Variants in MYO3B observed in about 807,000 individuals in gnomAD.
The protein encoded by MYO3B is myosin IIIB, also known as myosin-IIIb.
In MYO3B, 156 loss-of-function variants were observed where a neutral mutation model predicts 174.6. The ratio of observed to expected loss-of-function variants is 0.89; its 90% CI spans 0.78 to 1.02. The LOEUF is 1.02. Ranked by LOEUF, MYO3B falls within the 50% of genes least tolerant of loss-of-function variation. MYO3B has a pLI of 0.00. For missense variants in MYO3B, 1,632 were observed against 1,639.4 expected, an observed-to-expected ratio of 1.00 and a Z score of 0.08; for synonymous variants, 563 against 569.1, an observed-to-expected ratio of 0.99 and a Z score of 0.15.
intron 32 of MYO3B, among the ~76,000 whole-genome samples, chr2:170,569,618 C>T (rs897460738): frequency 2.7e-5 from 4 of 150,942 alleles, no homozygotes; most frequent in Non-Finnish European, 5.9e-5. Flanking sequence ...TCCCAACACT[C>T]TGGATGGCCA....
At chr2:170,226,067 C>T (rs950464350) in intron 6 of MYO3B, among the ~76,000 whole-genome samples, 2 of 152,152 alleles carry the variant, frequency 1.3e-5, no homozygotes, top group Admixed American at 6.5e-5. Flanking sequence ...TCTGATGTTC[C>T]ACAAGCAATG....
chr2:170,244,183 T>A (rs2093166086), intron 7 of MYO3B, among the ~76,000 whole-genome samples: 1 of 152,212 alleles, frequency 6.6e-6, no homozygotes, highest in African/African-American at 2.4e-5. Context: ...GGCTGCCTCC[T>A]TCTATAGGGT....
chr2:170,432,162 G>C (rs1338998552), intron 22 of MYO3B, among the ~76,000 whole-genome samples: 1 of 151,920 alleles, frequency 6.6e-6, no homozygotes, highest in Non-Finnish European at 1.5e-5. Context: ...TTTTTTTTAA[G>C]TTAACTATAA....
chr2:170,239,188 A>G (rs1182425781), intron 7 of MYO3B, among the ~76,000 whole-genome samples: 1 of 152,168 alleles, frequency 6.6e-6, no homozygotes, highest in Non-Finnish European at 1.5e-5. Context: ...GTCTCTCATG[A>G]CTCTTTACTG....
intron 25 of MYO3B, among the ~76,000 whole-genome samples, chr2:170,488,275 T>TTTTATTTATTTA (rs10684032): frequency 0.022 from 3,262 of 151,546 alleles, 107 homozygotes; most frequent in African/African-American, 0.072. Flanking sequence ...GTAGCAGTGG[T>TTTTATTTATTTA]TTTATTTATT....
At chr2:170,280,251 CAT>C (rs2093498106) in intron 7 of MYO3B, among the ~76,000 whole-genome samples, 1 of 151,944 alleles carries the variant, frequency 6.6e-6, no homozygotes, top group East Asian at 1.9e-4. Context: ...ATTGGCTGCA[CAT>C]ATGTCTTATT....
chr2:170,227,932 C>T (rs1207500976), intron 6 of MYO3B, among the ~76,000 whole-genome samples: 2 of 152,080 alleles, frequency 1.3e-5, no homozygotes, highest in South Asian at 2.1e-4. Context: ...TGTAATAATA[C>T]GTGACCTGAC....
chr2:170,603,206 A>C (rs1694623537), intron 32 of MYO3B, among the ~76,000 whole-genome samples: 1 of 152,202 alleles, frequency 6.6e-6, no homozygotes, highest in Admixed American at 6.5e-5. Context: ...GCACCCTCAG[A>C]ATACGTTACT....
chr2:170,563,768 G>A (rs953269260), intron 32 of MYO3B, among the ~76,000 whole-genome samples: 2 of 152,176 alleles, frequency 1.3e-5, no homozygotes, highest in Admixed American at 6.5e-5. Context: ...TTTCTTCATA[G>A]TCCCAAGAAC....
At chr2:170,242,638 G>C (rs189626514) in intron 7 of MYO3B, among the ~76,000 whole-genome samples, 104 of 152,328 alleles carry the variant, frequency 6.8e-4, no homozygotes, top group South Asian at 3.3e-3. Context: ...CAAAGCAGGA[G>C]CATGCCTTCA....
In MYO3B at chr2:170,387,225, G is replaced by A. The variant is rs2094382895; in HGVS notation, c.1494G>A (p.Met498Ile). 1.2e-6 allele frequency: 2 copies of A among 1,614,142 alleles called. No homozygotes were observed. The highest frequency in any genetic ancestry group is 1.7e-6 in the Non-Finnish European group (2 of 1,179,994). The change falls in exon 14 of 35, where the codon ATG (methionine) becomes ATA (isoleucine). Residue 498 changes from methionine (M) to isoleucine (I), a missense_variant. By Grantham distance (10) the Met-to-Ile change is conservative (BLOSUM62 1). Transcript: ENST00000408978. ...NSSRFGKYLE[M>I]MFTPTGVVMG... ...GCCGTTTTGGAAAATATCTGGAAAT[G>A]ATGTTTACACCAACTGGAGTTGTGA...
chr2:170,328,628 T>C (rs2093887027), intron 7 of MYO3B, among the ~76,000 whole-genome samples: 1 of 152,192 alleles, frequency 6.6e-6, no homozygotes, highest in Admixed American at 6.5e-5. Flanking sequence ...ATGTGGCATA[T>C]GTAAGCCATT....
Position 170,561,291 on chromosome 2 carries a change from C to T in MYO3B, c.3733+17303C>T, listed in dbSNP as rs117258450. Among the ~76,000 whole-genome samples the T allele has an allele frequency of 3.1e-3, 469 of 152,322 alleles. 16 individuals carry two copies. The East Asian group carries it at 0.051, about 16-fold the overall frequency. On this transcript the variant is annotated intron_variant, in intron 32 of 34. Coordinates refer to ENST00000408978, the MANE Select transcript of MYO3B (RefSeq NM_138995.5). ...TAACCCATATGACCAGAAGGGACAA[C>T]CTGTGAATAACCACTGAATGATTAG...
chr2:170,213,533 G>C (rs1201232694), intron 3 of MYO3B, among the ~76,000 whole-genome samples: 2 of 152,184 alleles, frequency 1.3e-5, no homozygotes, highest in Non-Finnish European at 2.9e-5. Context: ...GCAGGCCCAG[G>C]CCTGGTTTCG....
At chr2:170,196,474 C>T (rs1430173377) in intron 1 of MYO3B, among the ~76,000 whole-genome samples, 1 of 152,164 alleles carries the variant, frequency 6.6e-6, no homozygotes, top group Non-Finnish European at 1.5e-5. Context: ...GGTGATCACA[C>T]CACTGCACTA....
intron 7 of MYO3B, among the ~76,000 whole-genome samples, chr2:170,282,890 A>G (rs1196090025): frequency 6.6e-6 from 1 of 152,136 alleles, no homozygotes; most frequent in Non-Finnish European, 1.5e-5. Flanking sequence ...TGAGGAGTAC[A>G]TACTTTGGCT....
intron 7 of MYO3B, among the ~76,000 whole-genome samples, chr2:170,322,996 C>A (rs2105500771): frequency 6.6e-6 from 1 of 152,074 alleles, no homozygotes; most frequent in African/African-American, 2.4e-5. Context: ...TTTATGGAAA[C>A]AATAAAAGAA....
At chr2:170,476,518 G>A (rs1023482603) in intron 25 of MYO3B, among the ~76,000 whole-genome samples, 2 of 152,106 alleles carry the variant, frequency 1.3e-5, no homozygotes, top group African/African-American at 4.8e-5. Context: ...GGAATGGGAA[G>A]ATGATCTTCC....
intron 32 of MYO3B, among the ~76,000 whole-genome samples, chr2:170,618,213 T>C (rs1242574315): frequency 6.6e-6 from 1 of 152,156 alleles, no homozygotes; most frequent in Non-Finnish European, 1.5e-5. Flanking sequence ...ATCCAAATAC[T>C]ATCATTAACA....
Sources: gnomAD v4.1 joint callset for allele counts (sites outside exome capture counted in the v4.1 genomes callset) on GRCh38, gnomAD v4.1.1 for gene constraint, MANE v1.5 for transcripts, NCBI Gene and HGNC (gene_info 2026-07-23, HGNC 2026-07-21) for gene names.